GABRG3: variants seen among roughly 807,000 people sequenced by gnomAD.
GABRG3 encodes gamma-aminobutyric acid receptor subunit gamma-3.
In GABRG3, 25 loss-of-function variants were observed where a neutral mutation model predicts 48.8. That is an observed-to-expected ratio of 0.51 (90% CI 0.37 to 0.72). The LOEUF is 0.72. Among genes scored for constraint, GABRG3 ranks in the 30% least tolerant of loss-of-function variants. The probability of loss-of-function intolerance (pLI) is 0.00; values close to 1 mark genes in which losing one functional copy is unlikely to be tolerated. For synonymous variants in GABRG3, 227 were observed against 217.6 expected, an observed-to-expected ratio of 1.04 and a Z score of -0.38; for missense variants, 394 against 577.9, an observed-to-expected ratio of 0.68 and a Z score of 3.26.
At chr15:27,059,150 A>G (rs905411260) in intron 3 of GABRG3, among the ~76,000 whole-genome samples, 1 of 152,226 alleles carries the variant, frequency 6.6e-6, no homozygotes, top group Non-Finnish European at 1.5e-5. Flanking sequence ...GCAGAAGACA[A>G]TGAAGGCTCT....
rs538439922 is a variant in GABRG3, at chr15:26,977,020, G to A, written c.72G>A (p.Glu24=). ...ACTCCAGGTCCAGAAAGGTGGAAGAGGATGAATATGAAGATTCATCATCAA... is the reference window on the plus strand; with the variant it reads ...ACTCCAGGTCCAGAAAGGTGGAAGAAGATGAATATGAAGATTCATCATCAA... ...GLHARSRKVE[E]DEYEDSSSNQ... is the part of the protein sequence containing the mutation. The change falls in exon 2 of 10, where the codon GAG becomes GAA. Residue 24 remains glutamate, a synonymous_variant. Transcript: ENST00000615808. 3 of 1,613,742 alleles carry A rather than the reference G, an allele frequency of 1.9e-6. No individual in the cohort carries two copies. Among genetic ancestry groups the A allele is most frequent in the Non-Finnish European group, 2.5e-6 (3 of 1,179,878 alleles).
At chr15:27,344,513 C>T (rs1894300099) in intron 5 of GABRG3, among the ~76,000 whole-genome samples, 1 of 152,098 alleles carries the variant, frequency 6.6e-6, no homozygotes. Context: ...GAAATGTTCT[C>T]TCTATTTAGC....
chr15:27,012,709 A>T (rs192144892), intron 2 of GABRG3, among the ~76,000 whole-genome samples: 110 of 152,222 alleles, frequency 7.2e-4, no homozygotes, highest in African/African-American at 2.5e-3. Context: ...CTTTCATAGT[A>T]CTCATAACTA....
At chr15:27,225,335 C>G (rs1595597191) in intron 3 of GABRG3, among the ~76,000 whole-genome samples, 1 of 152,140 alleles carries the variant, frequency 6.6e-6, no homozygotes, top group East Asian at 1.9e-4. Context: ...GCCGCCACCT[C>G]CCCGCCCCCC....
chr15:27,339,268 C>T (rs1894083707), intron 5 of GABRG3, among the ~76,000 whole-genome samples: 2 of 152,304 alleles, frequency 1.3e-5, no homozygotes, highest in East Asian at 3.9e-4. Context: ...CGTCAAGGTC[C>T]TAAATGCTCA....
chr15:26,977,796 G>A (rs1463929952), intron 2 of GABRG3, among the ~76,000 whole-genome samples: 1 of 152,118 alleles, frequency 6.6e-6, no homozygotes, highest in Non-Finnish European at 1.5e-5. Context: ...TTATATACAG[G>A]TTTCTATGTG....
intron 6 of GABRG3, chr15:27,481,197 T>G: frequency 2.0e-6 from 2 of 998,266 alleles, no homozygotes; most frequent in Non-Finnish European, 2.4e-6. Flanking sequence ...TGCTTTTATT[T>G]ACTCTAAGTT....
At chr15:27,493,869 G>T (rs576740381) in intron 6 of GABRG3, among the ~76,000 whole-genome samples, 1 of 152,124 alleles carries the variant, frequency 6.6e-6, no homozygotes, top group Non-Finnish European at 1.5e-5. Flanking sequence ...ATGGGGAACC[G>T]TGGGGCACCT....
intron 3 of GABRG3, among the ~76,000 whole-genome samples, chr15:27,122,768 C>G (rs1432315228): frequency 6.6e-6 from 1 of 152,202 alleles, no homozygotes; most frequent in Non-Finnish European, 1.5e-5. Context: ...CTGCCTCATG[C>G]TCCACAAAGT....
chr15:27,193,496 A>G (rs1888397247), intron 3 of GABRG3, among the ~76,000 whole-genome samples: 1 of 151,606 alleles, frequency 6.6e-6, no homozygotes, highest in Non-Finnish European at 1.5e-5. Flanking sequence ...AATCAGCGAG[A>G]CTCCGTGGGC....
chr15:27,176,272 A>G (rs1462983238), intron 3 of GABRG3, among the ~76,000 whole-genome samples: 1 of 152,172 alleles, frequency 6.6e-6, no homozygotes, highest in African/African-American at 2.4e-5. Flanking sequence ...TTCTAAATCC[A>G]TGCTCCCACA....
At position 27,351,685 on chromosome 15, in the gene GABRG3, T is replaced by C. The variant is rs549022225; in HGVS notation, c.574+22797T>C. Among the ~76,000 whole-genome samples, 14 of 150,866 alleles carry C rather than the reference T, an allele frequency of 9.3e-5. No individual in the cohort carries two copies. The East Asian group carries it at 9.9e-4, about 11-fold the overall frequency. On this transcript the variant is annotated intron_variant, in intron 5 of 9. Coordinates refer to ENST00000615808, the MANE Select transcript of GABRG3 (RefSeq NM_033223.5). ...TGGGGTATTTGTGTGTGTTTGTGTGTATGGTCTGTGTGTGTGTATGGGGTA... is the reference window on the plus strand; with the variant it reads ...TGGGGTATTTGTGTGTGTTTGTGTGCATGGTCTGTGTGTGTGTATGGGGTA...
rs1898174926 is a variant in GABRG3 at position 27,145,145 on chromosome 15, GAAAAA to G, written c.270+118325_270+118329del. On this transcript the variant is annotated intron_variant, in intron 3 of 9. Coordinates refer to ENST00000615808, the MANE Select transcript of GABRG3 (RefSeq NM_033223.5). The stretch of plus-strand genomic sequence containing the variant: ...AAATAAGGAATGAACCATATACAGG[GAAAAA>G]TAAGGAATGAACCATATACAGGGAA... 2.0e-5 allele frequency among the ~76,000 whole-genome samples: 3 copies of G among 151,576 alleles called. No homozygotes were observed. In the South Asian group the frequency reaches 6.3e-4, roughly 32 times the overall value.
At chr15:27,442,151 G>A (rs1229159359) in intron 5 of GABRG3, among the ~76,000 whole-genome samples, 1 of 152,160 alleles carries the variant, frequency 6.6e-6, no homozygotes, top group Non-Finnish European at 1.5e-5. Context: ...GAGCTTGGGA[G>A]CAAGTCCACA....
intron 3 of GABRG3, among the ~76,000 whole-genome samples, chr15:27,175,519 A>G (rs1887717644): frequency 1.3e-5 from 2 of 152,246 alleles, no homozygotes; most frequent in Non-Finnish European, 2.9e-5. Flanking sequence ...GAATTTGGAA[A>G]AATTCAGAAA....
intron 3 of GABRG3, among the ~76,000 whole-genome samples, chr15:27,253,252 G>A (rs1184338576): frequency 6.6e-6 from 1 of 152,218 alleles, no homozygotes; most frequent in African/African-American, 2.4e-5. Flanking sequence ...GAGGGTTTGG[G>A]TGTTTAGGGA....
rs1283344692 is a variant in GABRG3 at position 26,974,308 on chromosome 15, A to G, written c.54-2694A>G. 6.6e-6 allele frequency among the ~76,000 whole-genome samples: 1 copy of G among 152,180 alleles called. No homozygotes were observed. Among genetic ancestry groups the G allele is most frequent in the Non-Finnish European group, 1.5e-5 (1 of 68,040 alleles). ...CTTGCAATTTCAGGAAAACCCTCTC[A>G]TCACCACTAGAGGGAGAATTAGGCT... On this transcript the variant is annotated intron_variant, in intron 1 of 9. Transcript: ENST00000615808. The surrounding 1 kb of genome is among the most constrained non-coding windows in gnomAD (Gnocchi z 4.3).
At position 27,480,642 on chromosome 15, in the gene GABRG3, G is replaced by A; in HGVS notation, c.575-8G>A. 3.1e-6 allele frequency: 5 copies of A among 1,606,082 alleles called. No homozygotes were observed. The highest frequency in any genetic ancestry group is 4.3e-6 in the Non-Finnish European group (5 of 1,175,350). The stretch of plus-strand genomic sequence containing the variant: ...CTTCAAGTGCTAATGTTTGCTCTGT[G>A]TTTTTAGATGGCTATCCCAAAGAAG... On this transcript the variant is annotated splice_region_variant and splice_polypyrimidine_tract_variant and intron_variant, in intron 5 of 9. Coordinates refer to ENST00000615808, the MANE Select transcript of GABRG3 (RefSeq NM_033223.5).
At chr15:27,150,490 G>A (rs1898290821) in intron 3 of GABRG3, among the ~76,000 whole-genome samples, 1 of 152,148 alleles carries the variant, frequency 6.6e-6, no homozygotes, top group African/African-American at 2.4e-5. Flanking sequence ...TGAAAAAAAT[G>A]TGAAGGTGGG....
Sources: gnomAD v4.1 joint callset for allele counts (sites outside exome capture counted in the v4.1 genomes callset) on GRCh38, gnomAD v4.1.1 for gene constraint, Gnocchi (gnomAD v3.1) non-coding constraint, MANE v1.5 for transcripts, NCBI Gene and HGNC (gene_info 2026-07-23, HGNC 2026-07-21) for gene names.